ATG2B: variants seen among roughly 807,000 people sequenced by gnomAD.
The protein encoded by ATG2B is autophagy related 2B.
In ATG2B, 121 loss-of-function variants were observed where a neutral mutation model predicts 241.3. That is an observed-to-expected ratio of 0.50 (90% confidence interval 0.43 to 0.58). The LOEUF is 0.58. Among genes scored for constraint, ATG2B ranks in the 20% least tolerant of loss-of-function variants. The pLI, the probability that ATG2B is intolerant of heterozygous loss-of-function variation, is 0.00. For missense variants in ATG2B, 2,306 were observed against 2,491.6 expected (o/e 0.93, Z 1.59); for synonymous variants, 858 against 876.6 (o/e 0.98, Z 0.37).
chr14:96,355,881 G>C (rs906991866), intron 1 of ATG2B, among the ~76,000 whole-genome samples: 3 of 152,030 alleles, frequency 2.0e-5, no homozygotes, highest in Non-Finnish European at 2.9e-5. Context: ...ATAAAAACGC[G>C]CATGAGCTGG....
chr14:96,321,792 C>T (rs1428888870), intron 18 of ATG2B, among the ~76,000 whole-genome samples: 1 of 152,114 alleles, frequency 6.6e-6, no homozygotes, highest in Non-Finnish European at 1.5e-5. Context: ...GCTGTATTAG[C>T]ATCTCTTAAC....
chr14:96,290,172 T>C lies in ATG2B; in HGVS notation c.5856+264A>G. On this transcript the variant is annotated intron_variant, in intron 40 of 41. Transcript: ENST00000359933. The surrounding 1 kb of genome is among the most constrained non-coding windows in gnomAD (Gnocchi z 4.4). ...TAGCTACGATCCTTTCATACAAATATGGTGAAATCAATCCTCTGCTAACTT... is the reference window on the plus strand; with the variant it reads ...TAGCTACGATCCTTTCATACAAATACGGTGAAATCAATCCTCTGCTAACTT... The C allele has an allele frequency of 3.9e-6, 5 of 1,274,886 alleles. No individual in the cohort carries two copies. Among genetic ancestry groups the C allele is most frequent in the Non-Finnish European group, 4.0e-6 (4 of 1,006,924 alleles). 79.0% of individuals were successfully genotyped at this position (1,274,886 alleles called of 1,614,324 possible). A position where few individuals can be genotyped will look rare whatever the true frequency, so the allele number is the denominator to read the frequency against.
chr14:96,325,649 C>T lies in ATG2B; in HGVS notation c.2437G>A (p.Gly813Arg). 6.2e-7 allele frequency: 1 copy of T among 1,608,838 alleles called. No homozygotes were observed. The highest frequency in any genetic ancestry group is 8.5e-7 in the Non-Finnish European group (1 of 1,177,944). ...CTTTTACAGGCACATTCAATCTTAC[C>T]AATTAGTTCTCTAAAGGTAAGTTCC... ...KLELTFRELI[G>R]SFQEEKGDPS... The change falls in exon 15 of 42, where the codon GGA becomes AGA. Residue 813 changes from glycine (G) to arginine (R), a missense_variant and splice_region_variant. Transcript: ENST00000359933.
chr14:96,287,300 A>C (rs1886365387), intron 41 of ATG2B, among the ~76,000 whole-genome samples: 1 of 151,864 alleles, frequency 6.6e-6, no homozygotes, highest in Admixed American at 6.6e-5. Flanking sequence ...CAAAGAAATA[A>C]TAAGTACTAC....
intron 12 of ATG2B, 77 bp from the exon 13 acceptor site, chr14:96,328,843 A>C (rs1595315400): frequency 9.0e-7 from 1 of 1,113,158 alleles, no homozygotes; most frequent in Non-Finnish European, 1.3e-6. Flanking sequence ...ATAATGAGAA[A>C]GGCTTTCTGA....
Position 96,334,487 on chromosome 14 carries a change from T to TC in ATG2B, c.938dup (p.Gln314ThrfsTer31). 6.3e-7 allele frequency: 1 copy of TC among 1,592,266 alleles called. No individual in the cohort carries two copies. ...GGAGTAGATGAATAGAGTCTATCTG[T>TC]CCATCAACATCCAACTTAAGGGAAA... is the stretch of plus-strand genomic sequence containing the variant. On this transcript the variant is annotated frameshift_variant, in exon 7 of 42. Coordinates refer to ENST00000359933, the MANE Select transcript of ATG2B (RefSeq NM_018036.7). LOFTEE classifies it high-confidence loss of function.
At chr14:96,361,370 T>G (rs2139916571) in intron 1 of ATG2B, among the ~76,000 whole-genome samples, 1 of 152,298 alleles carries the variant, frequency 6.6e-6, no homozygotes, top group South Asian at 2.1e-4. Context: ...TGGGGCAAAC[T>G]GCTTAACTCC....
At chr14:96,307,056 G>A in intron 29 of ATG2B, 140 bp from the exon 30 acceptor site, 1 of 744,386 alleles carries the variant, frequency 1.3e-6, no homozygotes, top group Non-Finnish European at 2.1e-6. Flanking sequence ...ATGAATCTGA[G>A]GCTTAAAGAG....
chr14:96,306,663 A>C, intron 30 of ATG2B, 51 bp downstream of exon 30: 1 of 1,489,786 alleles, frequency 6.7e-7, no homozygotes. Context: ...CCCTTTGGTC[A>C]ATTCATTTGT....
In ATG2B at chr14:96,308,255, C is replaced by A. The variant is rs11160329; in HGVS notation, c.4303+1198G>T. Among the ~76,000 whole-genome samples, 4 of 29,362 alleles carry A rather than the reference C, an allele frequency of 1.4e-4. 1 individual carries two copies. The highest frequency in any genetic ancestry group is 5.4e-4 in the Admixed American group (1 of 1,846). 19.3% of individuals were successfully genotyped at this position (29,362 alleles called of 152,430 possible). A position where few individuals can be genotyped will look rare whatever the true frequency, so the allele number is the denominator to read the frequency against. ...ACATATATATATATATATATATACA[C>A]ACATATATATATATATATATATATA... On this transcript the variant is annotated intron_variant, in intron 29 of 41. Transcript: ENST00000359933.
chr14:96,343,153 G>A lies in ATG2B; in HGVS notation c.710C>T (p.Ala237Val), dbSNP rs866333400. 1.2e-6 allele frequency: 2 copies of A among 1,603,566 alleles called. No homozygotes were observed. The highest frequency in any genetic ancestry group is 3.4e-5 in the Admixed American group (2 of 58,408). Residue 237 changes from alanine to valine, a missense_variant, in exon 5 of 42, where the codon GCC becomes GTC. Coordinates refer to ENST00000359933, the MANE Select transcript of ATG2B (RefSeq NM_018036.7). Reference sequence around the variant, plus strand: ...AGTTGAACACACTGGGGAAGATTTGGCTGATGCAGAAAACTCATCCCAGAA... The same window carrying A: ...AGTTGAACACACTGGGGAAGATTTGACTGATGCAGAAAACTCATCCCAGAA... ...SLFWDEFSAS[A>V]KSSPVCSTAP... is the part of the protein sequence containing the mutation.
At chr14:96,308,437 C>T (rs1887062660) in intron 29 of ATG2B, among the ~76,000 whole-genome samples, 1 of 147,032 alleles carries the variant, frequency 6.8e-6, no homozygotes, top group African/African-American at 2.5e-5. Context: ...CTATAGGCGC[C>T]TGCCAACACA....
chr14:96,295,116 C>T lies in ATG2B; in HGVS notation c.5270G>A (p.Ser1757Asn), dbSNP rs1388682299. The change falls in exon 36 of 42, where the codon AGT (serine) becomes AAT (asparagine). Residue 1757 changes from serine to asparagine, a missense_variant. Ser to Asn is a conservative substitution (Grantham distance 46). This residue lies in a region of ATG2B where 379 missense variants were observed against 480.4 expected (regional missense o/e 0.79). Coordinates refer to ENST00000359933, the MANE Select transcript of ATG2B (RefSeq NM_018036.7). ...AACCAGATTTGGCTCCTTTGAGGTA[C>T]TCAAATGCCTTGGCAAACTGCAGGT... ...DVTCSLPRHL[S>N]TSKEPNLVIS... 3.7e-6 allele frequency: 6 copies of T among 1,614,062 alleles called. No homozygotes were observed. The African/African-American group carries it at 6.7e-5, about 18-fold the overall frequency.
intron 1 of ATG2B, 28 bp from the exon 2 acceptor site, chr14:96,347,369 A>G (rs1159783326): frequency 2.0e-6 from 3 of 1,515,100 alleles, no homozygotes; most frequent in East Asian, 2.3e-5. Flanking sequence ...GTTCATTATG[A>G]ATCACAAGAA....
chr14:96,280,553 T>C lies in ATG2B; in HGVS notation c.*5202A>G, dbSNP rs959220391. ...TCAAAGTGGATGTTATATAGTCACA[T>C]CTGTCACAACAAAATCTTTTAAAGT... is the stretch of plus-strand genomic sequence containing the variant. On this transcript the variant is annotated 3_prime_UTR_variant, in exon 42 of 42. Coordinates refer to ENST00000359933, the MANE Select transcript of ATG2B (RefSeq NM_018036.7). 1 of 152,166 alleles carries C rather than the reference T, an allele frequency of 6.6e-6. No homozygotes were observed. The highest frequency in any genetic ancestry group is 2.4e-5 in the African/African-American group (1 of 41,432). 9.4% of individuals were successfully genotyped at this position (152,166 alleles called of 1,614,324 possible). A position where few individuals can be genotyped will look rare whatever the true frequency, so the allele number is the denominator to read the frequency against.
chr14:96,329,452 A>C, intron 12 of ATG2B, 32 bp downstream of exon 12: 1 of 1,462,266 alleles, frequency 6.8e-7, no homozygotes, highest in South Asian at 1.4e-5. Context: ...GATTTAAAAA[A>C]TAATCTTAAA....
chr14:96,348,343 T>C (rs1379682812), intron 1 of ATG2B, among the ~76,000 whole-genome samples: 2 of 152,082 alleles, frequency 1.3e-5, no homozygotes, highest in African/African-American at 4.8e-5. Flanking sequence ...GGAATGGTAG[T>C]AGGGTAGCAG....
At chr14:96,308,481 A>G (rs1433083466) in intron 29 of ATG2B, among the ~76,000 whole-genome samples, 2 of 126,570 alleles carry the variant, frequency 1.6e-5, no homozygotes, top group African/African-American at 5.9e-5. Flanking sequence ...TTTTTTTTTA[A>G]TTGGAGAGAT....
chr14:96,292,206 A>C, intron 36 of ATG2B, 108 bp from the exon 37 acceptor site: 1 of 598,614 alleles, frequency 1.7e-6, no homozygotes, highest in Non-Finnish European at 2.9e-6. Flanking sequence ...ACCACAAAAT[A>C]AATCATATAA....
Sources: allele counts gnomAD v4.1 joint callset (sites outside exome capture counted in the v4.1 genomes callset), GRCh38; gene constraint gnomAD v4.1.1; regional missense constraint gnomAD v4.1.1; non-coding constraint Gnocchi (gnomAD v3.1); transcripts MANE v1.5; gene names NCBI Gene and HGNC (gene_info 2026-07-23, HGNC 2026-07-21).